Variants in FBXO38 observed in about 807,000 individuals in gnomAD.
FBXO38 encodes F-box only protein 38.
FBXO38 carries 53 observed loss-of-function variants against 131.9 expected under a neutral mutation model. The ratio of observed to expected loss-of-function variants is 0.40; its 90% CI spans 0.32 to 0.51. The LOEUF (loss-of-function observed/expected upper bound fraction) is 0.51. Ranked by LOEUF, FBXO38 falls within the 20% of genes least tolerant of loss-of-function variation. The probability of loss-of-function intolerance (pLI) is 0.53; values close to 1 mark genes in which losing one functional copy is unlikely to be tolerated. For missense variants in FBXO38, 1,076 were observed against 1,475.6 expected (o/e 0.73, Z 4.44); for synonymous variants, 452 against 505.6 (o/e 0.89, Z 1.42).
chr5:148,386,704 A>G (rs1175134585), intron 1 of FBXO38, among the ~76,000 whole-genome samples: 2 of 152,118 alleles, frequency 1.3e-5, no homozygotes, highest in Non-Finnish European at 2.9e-5. Context: ...GTCTTTATAT[A>G]TAATACTCTC....
rs754957832 is a variant in FBXO38 at position 148,441,271 on chromosome 5, G to GT, written c.3388+37dup. 5.5e-6 allele frequency: 8 copies of GT among 1,457,296 alleles called. No homozygotes were observed. In the African/African-American group the frequency reaches 9.8e-5, roughly 18 times the overall value. The allele number at this position is 1,457,296 out of a possible 1,614,324, so 90.3% of individuals were successfully genotyped here. On this transcript the variant is annotated intron_variant, in intron 21 of 21. Transcript: ENST00000340253. ...GACCTGACTTGACATCTATTCTCTA[G>GT]TTTAAGTATAGCCTACTGTGTTACA...
chr5:148,401,005 C>A (rs1041395050), intron 3 of FBXO38, among the ~76,000 whole-genome samples: 2 of 152,122 alleles, frequency 1.3e-5, no homozygotes, highest in African/African-American at 4.8e-5. Context: ...TCTCTCCTTA[C>A]TCTTCACTAA....
intron 5 of FBXO38, among the ~76,000 whole-genome samples, chr5:148,404,328 T>A (rs192287046): frequency 6.6e-6 from 1 of 152,216 alleles, no homozygotes; most frequent in African/African-American, 2.4e-5. Context: ...TCCATCGTTA[T>A]AGTTTTGCTT....
rs972756295 is a variant in FBXO38, at chr5:148,433,540, T to G, written c.2754+16T>G. 1.3e-5 allele frequency: 21 copies of G among 1,591,094 alleles called. No homozygotes were observed. The Admixed American group carries it at 2.9e-4, about 22-fold the overall frequency. ...CCATGTGCAGGTAGAGAAAAAACCC[T>G]CACTTACCTTTATCACAGTCTAGCC... On this transcript the variant is annotated intron_variant, in intron 16 of 21. Transcript: ENST00000340253.
intron 1 of FBXO38, among the ~76,000 whole-genome samples, chr5:148,391,332 G>A (rs1233811525): frequency 6.6e-6 from 1 of 152,176 alleles, no homozygotes; most frequent in Non-Finnish European, 1.5e-5. Context: ...GTCACCTAGA[G>A]GCAAGATTTT....
chr5:148,416,911 A>G (rs1468213075), intron 11 of FBXO38, 83 bp from the exon 12 acceptor site: 37 of 771,782 alleles, frequency 4.8e-5, no homozygotes, highest in Non-Finnish European at 2.0e-5. Flanking sequence ...TTATAATGTA[A>G]AGGTGAAATG....
intron 17 of FBXO38, among the ~76,000 whole-genome samples, chr5:148,437,411 A>T (rs1289521104): frequency 6.6e-6 from 1 of 152,258 alleles, no homozygotes; most frequent in Admixed American, 6.5e-5. Flanking sequence ...CAAAAGGAGA[A>T]AATGAACGTG....
chr5:148,406,471 C>A, intron 7 of FBXO38, 77 bp downstream of exon 7: 2 of 1,212,050 alleles, frequency 1.7e-6, no homozygotes. Flanking sequence ...TTTAACTTCC[C>A]TGGCAAGTCT....
intron 10 of FBXO38, among the ~76,000 whole-genome samples, chr5:148,414,960 C>T (rs1752967176): frequency 6.6e-6 from 1 of 152,166 alleles, no homozygotes; most frequent in Non-Finnish European, 1.5e-5. Context: ...CTCTCACTGA[C>T]ACCTACAGAA....
intron 17 of FBXO38, among the ~76,000 whole-genome samples, chr5:148,436,692 C>T (rs1203171186): frequency 1.3e-5 from 2 of 152,052 alleles, no homozygotes; most frequent in African/African-American, 2.4e-5. Context: ...GAGGAGAACC[C>T]AAGAAAGGAG....
chr5:148,424,805 T>C (rs960005705), intron 13 of FBXO38, among the ~76,000 whole-genome samples: 2 of 152,270 alleles, frequency 1.3e-5, no homozygotes, highest in Admixed American at 1.3e-4. Flanking sequence ...CAACAAATAT[T>C]TATTGAGTGC....
chr5:148,400,903 G>A (rs1229805079), intron 3 of FBXO38, among the ~76,000 whole-genome samples: 2 of 151,998 alleles, frequency 1.3e-5, no homozygotes, highest in Non-Finnish European at 1.5e-5. Flanking sequence ...GAAAAAAAAT[G>A]ATTAACACAT....
chr5:148,416,275 G>T (rs539934767), intron 11 of FBXO38, among the ~76,000 whole-genome samples: 1 of 152,082 alleles, frequency 6.6e-6, no homozygotes, highest in South Asian at 2.1e-4. Flanking sequence ...GGTTCTCTGG[G>T]GAAGGGTAAG....
At chr5:148,406,446 A>G in intron 7 of FBXO38, 52 bp downstream of exon 7, 1 of 1,381,670 alleles carries the variant, frequency 7.2e-7, no homozygotes, top group Non-Finnish European at 9.6e-7. Flanking sequence ...ACTTAAAATA[A>G]TCATTAAGCT....
In FBXO38 at chr5:148,440,404, A is replaced by T. The variant is rs1294581827; in HGVS notation, c.3171-20A>T. 6.7e-7 allele frequency: 1 copy of T among 1,491,896 alleles called. No homozygotes were observed. The highest frequency in any genetic ancestry group is 1.4e-5 in the African/African-American group (1 of 71,684). The allele number at this position is 1,491,896 out of a possible 1,614,324, so 92.4% of individuals were successfully genotyped here. A position where few individuals can be genotyped will look rare whatever the true frequency, so the allele number is the denominator to read the frequency against. On this transcript the variant is annotated intron_variant, in intron 19 of 21. Transcript: ENST00000340253. ...TTTCCAGTTTTGTAATTTTTACTTA[A>T]TTTTTCCTGTTGCTTCCAGAGAGCT... is the stretch of plus-strand genomic sequence containing the variant.
intron 1 of FBXO38, among the ~76,000 whole-genome samples, chr5:148,387,316 A>G (rs1757963397): frequency 6.6e-6 from 1 of 152,154 alleles, no homozygotes; most frequent in African/African-American, 2.4e-5. Flanking sequence ...ATAAGAAGCA[A>G]CTTCTCATCT....
intron 10 of FBXO38, 150 bp from the exon 11 acceptor site, chr5:148,415,778 T>G: frequency 1.2e-5 from 9 of 742,410 alleles, no homozygotes. Flanking sequence ...ACATCATAAT[T>G]TAGAATCATC....
chr5:148,425,300 T>G (rs977041734), intron 13 of FBXO38, among the ~76,000 whole-genome samples: 1 of 152,170 alleles, frequency 6.6e-6, no homozygotes, highest in African/African-American at 2.4e-5. Context: ...ATGCATCAAG[T>G]TGGTTGGCAT....
intron 15 of FBXO38, among the ~76,000 whole-genome samples, chr5:148,431,953 G>A (rs1754065510): frequency 1.3e-5 from 2 of 152,152 alleles, no homozygotes; most frequent in South Asian, 4.1e-4. Flanking sequence ...GACTTCACAT[G>A]GTGGAGAAAG....
Sources: gnomAD v4.1 joint callset for allele counts (sites outside exome capture counted in the v4.1 genomes callset) on GRCh38, gnomAD v4.1.1 for gene constraint, MANE v1.5 for transcripts, NCBI Gene and HGNC (gene_info 2026-07-23, HGNC 2026-07-21) for gene names.